MRPL54: variants seen among roughly 807,000 people sequenced by gnomAD.
MRPL54 encodes the protein large ribosomal subunit protein mL54.
In MRPL54, 12 loss-of-function variants were observed where a neutral mutation model predicts 15.6. The ratio of observed to expected loss-of-function variants is 0.77; its 90% CI spans 0.49 to 1.24. MRPL54 has a LOEUF of 1.24. Among genes scored for constraint, MRPL54 ranks in the 50% most tolerant of loss-of-function variants. The pLI is 0.00. For synonymous variants in MRPL54, 91 were observed against 75.7 expected (o/e 1.20, Z -1.05); for missense variants, 178 against 186.8 (o/e 0.95, Z 0.28).
intron 2 of MRPL54, among the ~76,000 whole-genome samples, chr19:3,766,114 T>G (rs2037196394): frequency 6.7e-6 from 1 of 149,352 alleles, no homozygotes; most frequent in African/African-American, 2.5e-5. Flanking sequence ...TTTGCTCTTG[T>G]CGCCCAGGCT....
chr19:3,765,598 TA>T (rs772801702), intron 2 of MRPL54, among the ~76,000 whole-genome samples: 1 of 152,020 alleles, frequency 6.6e-6, no homozygotes, highest in African/African-American at 2.4e-5. Flanking sequence ...AGCAAATACT[TA>T]AAAAAAATTT....
rs1324151191 is a variant in MRPL54, at chr19:3,765,333, TG to T, written c.284+3del. The stretch of plus-strand genomic sequence containing the variant: ...ACCGGATGCTGAGTACCCTGAATGG[TG>T]AGTAGGCCAGGCTGTGTCATCCTGC... On this transcript the variant is annotated splice_donor_region_variant and intron_variant, in intron 2 of 2. Coordinates refer to ENST00000330133, the MANE Select transcript of MRPL54 (RefSeq NM_172251.3). The T allele has an allele frequency of 1.2e-6, 2 of 1,612,770 alleles. No homozygotes were observed. The highest frequency in any genetic ancestry group is 2.2e-5 in the South Asian group (2 of 90,956).
At position 3,767,325 on chromosome 19, in the gene MRPL54, T is replaced by A. The variant is rs2037206891; in HGVS notation, c.349T>A (p.Tyr117Asn). The A allele has an allele frequency of 4.4e-6, 7 of 1,605,234 alleles. No homozygotes were observed. The highest frequency in any genetic ancestry group is 6.0e-6 in the Non-Finnish European group (7 of 1,176,424). Residue 117 changes from tyrosine to asparagine, a missense_variant, in exon 3 of 3, where the codon TAC becomes AAC. Coordinates refer to ENST00000330133, the MANE Select transcript of MRPL54 (RefSeq NM_172251.3). ...LEELDPESRE[Y>N]WRRLRKQNIW... ...GGAGCTGGACCCCGAGAGCCGGGAG[T>A]ACTGGCGGCGGCTGCGGAAACAGAA...
intron 1 of MRPL54, among the ~76,000 whole-genome samples, chr19:3,764,481 C>T (rs2037179118): frequency 6.6e-6 from 1 of 151,778 alleles, no homozygotes; most frequent in African/African-American, 2.4e-5. Context: ...GATCTCAGCT[C>T]ACTGCAACCT....
chr19:3,762,751 G>A lies in MRPL54; in HGVS notation c.51G>A (p.Gly17=), dbSNP rs765806446. The change falls in exon 1 of 3, where the codon GGG becomes GGA. Residue 17 remains glycine (G), a synonymous_variant. Transcript: ENST00000330133. Reference sequence around the variant, plus strand: ...CTACCCGGACGTGGGCCGGCTGGGGGGCCTGGGAGCTCCTAAACCCCGCCA... The same window carrying A: ...CTACCCGGACGTGGGCCGGCTGGGGAGCCTGGGAGCTCCTAAACCCCGCCA... ...FGATRTWAGW[G]AWELLNPATS... The A allele has an allele frequency of 6.2e-7, 1 of 1,610,644 alleles. No homozygotes were observed. The highest frequency in any genetic ancestry group is 8.5e-7 in the Non-Finnish European group (1 of 1,178,626).
At chr19:3,767,180 C>T (rs554447528) in intron 2 of MRPL54, 81 bp from the exon 3 acceptor site, 141 of 1,515,154 alleles carry the variant, frequency 9.3e-5, no homozygotes, top group Non-Finnish European at 1.1e-4. Flanking sequence ...GCCCCGTCGC[C>T]GCCTCTGCCC....
chr19:3,763,715 C>T (rs1304141335), intron 1 of MRPL54, among the ~76,000 whole-genome samples: 2 of 151,886 alleles, frequency 1.3e-5, no homozygotes, highest in African/African-American at 2.4e-5. Context: ...AATTCAAGAT[C>T]AGCCTGACCA....
At chr19:3,765,411 T>TC in intron 2 of MRPL54, 80 bp downstream of exon 2, 1 of 1,503,406 alleles carries the variant, frequency 6.7e-7, no homozygotes, top group Non-Finnish European at 9.1e-7. Flanking sequence ...GAGAGGCGGA[T>TC]CGCCACTCCA....
Position 3,762,707 on chromosome 19 carries a change from A to G in MRPL54, c.7A>G (p.Thr3Ala), listed in dbSNP as rs148456964. 7,022 of 1,611,278 alleles carry G rather than the reference A, an allele frequency of 4.4e-3. 27 individuals carry two copies. Among genetic ancestry groups the G allele is most frequent in the Non-Finnish European group, 5.0e-3 (5,910 of 1,178,882 alleles). Residue 3 changes from threonine to alanine, a missense_variant, in exon 1 of 3, where the codon ACC becomes GCC. By Grantham distance (58) the Thr-to-Ala change is moderately conservative. Transcript: ENST00000330133. ...AAGCTGCCCGCAATACGTCATGGCG[A>G]CCAAACGCCTTTTCGGGGCTACCCG... The part of the protein sequence containing the change: MA[T>A]KRLFGATRTW...
At chr19:3,762,872 AC>A (rs2037163709) in intron 1 of MRPL54, 54 bp downstream of exon 1, 1 of 1,360,006 alleles carries the variant, frequency 7.4e-7, no homozygotes, top group African/African-American at 1.5e-5. Context: ...TGAGGAATTG[AC>A]AGTGCGCAGG....
intron 2 of MRPL54, 32 bp downstream of exon 2, chr19:3,765,363 G>T (rs761779452): frequency 1.2e-6 from 2 of 1,608,486 alleles, no homozygotes; most frequent in African/African-American, 1.3e-5. Context: ...ATCCTGCAAT[G>T]ACTATTCCTT....
rs1460456052 is a variant in MRPL54, at chr19:3,765,314, T to C, written c.267T>C (p.Asp89=). The C allele has an allele frequency of 3.1e-6, 5 of 1,613,692 alleles. No homozygotes were observed. The highest frequency in any genetic ancestry group is 1.3e-5 in the African/African-American group (1 of 74,920). The change falls in exon 2 of 3, where the codon GAT becomes GAC. Residue 89 remains aspartate (D), a synonymous_variant. Coordinates refer to ENST00000330133, the MANE Select transcript of MRPL54 (RefSeq NM_172251.3). ...GGCAGGATGTACCCCTGAAACCGGATGCTGAGTACCCTGAATGGTGAGTAG... is the reference window on the plus strand; with the variant it reads ...GGCAGGATGTACCCCTGAAACCGGACGCTGAGTACCCTGAATGGTGAGTAG... ...KEGQDVPLKP[D]AEYPEWLFEM...
intron 2 of MRPL54, among the ~76,000 whole-genome samples, chr19:3,766,202 C>G (rs974736267): frequency 6.6e-6 from 1 of 151,972 alleles, no homozygotes; most frequent in South Asian, 2.1e-4. Context: ...CTCAGCCTCC[C>G]GAGTAGCTGG....
chr19:3,762,821 G>A lies in MRPL54; in HGVS notation c.118+3G>A. On this transcript the variant is annotated splice_donor_region_variant and intron_variant, in intron 1 of 2. Coordinates refer to ENST00000330133, the MANE Select transcript of MRPL54 (RefSeq NM_172251.3). ...CCGGGATTATGCCAAGAAACCAGGTGAGCTGGGTTAAGAGGAACCAAATGG... is the reference window on the plus strand; with the variant it reads ...CCGGGATTATGCCAAGAAACCAGGTAAGCTGGGTTAAGAGGAACCAAATGG... The A allele has an allele frequency of 6.3e-7, 1 of 1,576,316 alleles. No homozygotes were observed. The highest frequency in any genetic ancestry group is 8.6e-7 in the Non-Finnish European group (1 of 1,160,344).
chr19:3,765,332 G>A lies in MRPL54; in HGVS notation c.284+1G>A. On this transcript the variant is annotated splice_donor_variant, in intron 2 of 2. Coordinates refer to ENST00000330133, the MANE Select transcript of MRPL54 (RefSeq NM_172251.3). LOFTEE classifies it high-confidence loss of function. Reference sequence around the variant, plus strand: ...AACCGGATGCTGAGTACCCTGAATGGTGAGTAGGCCAGGCTGTGTCATCCT... The same window carrying A: ...AACCGGATGCTGAGTACCCTGAATGATGAGTAGGCCAGGCTGTGTCATCCT... 1.2e-6 allele frequency: 2 copies of A among 1,613,412 alleles called. No homozygotes were observed. The highest frequency in any genetic ancestry group is 8.5e-7 in the Non-Finnish European group (1 of 1,179,686).
At chr19:3,762,883 GC>G in intron 1 of MRPL54, 65 bp downstream of exon 1, 4 of 1,315,896 alleles carry the variant, frequency 3.0e-6, no homozygotes, top group Non-Finnish European at 4.2e-6. Flanking sequence ...CAGTGCGCAG[GC>G]GGTGGTTGGG....
Position 3,767,204 on chromosome 19 carries a change from C to T in MRPL54, c.285-57C>T, listed in dbSNP as rs914705984. ...CCGCCTCTGCCCGAGGTGCCCGGGACACCAGGGAGCCCAGGGGTCACCGTG... is the reference window on the plus strand; with the variant it reads ...CCGCCTCTGCCCGAGGTGCCCGGGATACCAGGGAGCCCAGGGGTCACCGTG... On this transcript the variant is annotated intron_variant, in intron 2 of 2. Transcript: ENST00000330133. 3.2e-6 allele frequency: 5 copies of T among 1,559,662 alleles called. No individual in the cohort carries two copies. In the South Asian group the frequency reaches 4.8e-5, roughly 15 times the overall value.
chr19:3,764,863 C>T (rs1478006748), intron 1 of MRPL54, among the ~76,000 whole-genome samples: 1 of 151,730 alleles, frequency 6.6e-6, no homozygotes, highest in Non-Finnish European at 1.5e-5. Context: ...CCCGTCTCTA[C>T]TAAAAATACA....
At chr19:3,762,948 T>G (rs567935771) in intron 1 of MRPL54, 130 bp downstream of exon 1, 21 of 771,998 alleles carry the variant, frequency 2.7e-5, no homozygotes, top group African/African-American at 1.8e-4. Context: ...CCAGGCTGTA[T>G]GCGCAGGCGC....
Sources: gnomAD v4.1 joint callset for allele counts (sites outside exome capture counted in the v4.1 genomes callset) on GRCh38, gnomAD v4.1.1 for gene constraint, MANE v1.5 for transcripts, NCBI Gene and HGNC (gene_info 2026-07-23, HGNC 2026-07-21) for gene names.